The following SNX13 variants were observed in gnomAD, a reference collection of about 807,000 sequenced individuals.
SNX13 encodes sorting nexin-13.
In SNX13, 45 loss-of-function variants were observed where a neutral mutation model predicts 133.6. The observed-to-expected ratio is 0.34, with a 90% CI of 0.27 to 0.43. The LOEUF (loss-of-function observed/expected upper bound fraction) is 0.43. SNX13 is among the 20% of genes least tolerant of loss of function. The pLI is 1.00. For missense variants in SNX13, 1,032 were observed against 1,145.1 expected, an observed-to-expected ratio of 0.90 and a Z score of 1.43; for synonymous variants, 414 against 373.9, an observed-to-expected ratio of 1.11 and a Z score of -1.24.
intron 5 of SNX13, chr7:17,879,676 CTTG>C (rs1288628561): frequency 4.6e-5 from 7 of 152,226 alleles, no homozygotes; most frequent in African/African-American, 1.7e-4. Flanking sequence ...AATTGCCTCA[CTTG>C]TTCCATCTAT....
chr7:17,890,301 T>G (rs1181630454), intron 5 of SNX13, 62 bp downstream of exon 5: 6 of 1,512,596 alleles, frequency 4.0e-6, no homozygotes, highest in Non-Finnish European at 4.5e-6. Flanking sequence ...AAAGTTGTTT[T>G]CCTTACTGGT....
intron 1 of SNX13, among the ~76,000 whole-genome samples, chr7:17,902,174 T>C (rs1275479602): frequency 1.3e-5 from 2 of 151,146 alleles, no homozygotes; most frequent in African/African-American, 4.9e-5. Flanking sequence ...ATTCAACAAC[T>C]ATTCTGTGAA....
At position 17,893,419 on chromosome 7, in the gene SNX13, A is replaced by G. The variant is rs1425877080; in HGVS notation, c.141T>C (p.Thr47=). Residue 47 remains threonine, a synonymous_variant, in exon 3 of 26, where the codon ACT becomes ACC. Coordinates refer to ENST00000428135, the MANE Select transcript of SNX13 (RefSeq NM_015132.5). ...LCFVGGGLVV[T]LLFGKTNSEK... is the part of the protein sequence containing the mutation. ...CTGAGTTTGTTTTTCCAAACAGGAG[A>G]GTAACCACTAAACCCCTAGAAAGAA... The G allele has an allele frequency of 6.4e-7, 1 of 1,558,850 alleles. No individual in the cohort carries two copies. The highest frequency in any genetic ancestry group is 8.7e-7 in the Non-Finnish European group (1 of 1,149,884).
intron 1 of SNX13, among the ~76,000 whole-genome samples, chr7:17,909,975 A>G (rs1798793579): frequency 6.6e-6 from 1 of 152,178 alleles, no homozygotes; most frequent in South Asian, 2.1e-4. Flanking sequence ...GTTTTAGTAA[A>G]TATGTCACAG....
Position 17,799,020 on chromosome 7 carries a change from A to G in SNX13, c.2433T>C (p.Asp811=), listed in dbSNP as rs1441988700. 1 of 1,609,548 alleles carries G rather than the reference A, an allele frequency of 6.2e-7. No individual in the cohort carries two copies. The highest frequency in any genetic ancestry group is 8.5e-7 in the Non-Finnish European group (1 of 1,177,472). The stretch of plus-strand genomic sequence containing the variant: ...GGAAAGAGTGCTACCTATTAATAGT[A>G]TCGCCATATGTAGCTCTAATAAGCT... The part of the protein sequence containing the change: ...LQQLIRATYG[D]TINRKIVDHV... Residue 811 remains aspartate (D), a synonymous_variant, in exon 23 of 26, where the codon GAT becomes GAC. Coordinates refer to ENST00000428135, the MANE Select transcript of SNX13 (RefSeq NM_015132.5).
chr7:17,810,540 C>A (rs1175700966), intron 20 of SNX13, among the ~76,000 whole-genome samples: 2 of 152,132 alleles, frequency 1.3e-5, no homozygotes, highest in Admixed American at 1.3e-4. Context: ...ACCAGAGGTA[C>A]AATTCTACTA....
intron 9 of SNX13, 99 bp from the exon 10 acceptor site, chr7:17,851,063 C>G (rs1238059659): frequency 8.1e-7 from 1 of 1,238,202 alleles, no homozygotes. Flanking sequence ...CAATTTGCTA[C>G]ATACTCAGTG....
chr7:17,868,380 A>G, intron 9 of SNX13, 27 bp downstream of exon 9: 2 of 1,501,456 alleles, frequency 1.3e-6, no homozygotes, highest in Non-Finnish European at 1.8e-6. Flanking sequence ...TTTCTAAAAC[A>G]GAGTTGTAAT....
At chr7:17,915,170 C>T (rs1393550635) in intron 1 of SNX13, among the ~76,000 whole-genome samples, 2 of 152,174 alleles carry the variant, frequency 1.3e-5, no homozygotes, top group African/African-American at 4.8e-5. Context: ...GAAGATGTAA[C>T]TGTCCTCAAT....
In SNX13 at chr7:17,893,319, TC is replaced by T. The variant is rs1796838805; in HGVS notation, c.228+12del. ...CTGGACTTTGAGGTTTTATATTCCC[TC>T]AAACGATTTACCTTAGGAACCCCAG... is the stretch of plus-strand genomic sequence containing the variant. On this transcript the variant is annotated intron_variant, in intron 3 of 25. Coordinates refer to ENST00000428135, the MANE Select transcript of SNX13 (RefSeq NM_015132.5). 6.5e-7 allele frequency: 1 copy of T among 1,533,270 alleles called. No individual in the cohort carries two copies. Among genetic ancestry groups the T allele is most frequent in the African/African-American group, 1.4e-5 (1 of 72,916 alleles). The allele number at this position is 1,533,270 out of a possible 1,614,324, so 95.0% of individuals were successfully genotyped here.
intron 24 of SNX13, among the ~76,000 whole-genome samples, 171 bp downstream of exon 24, chr7:17,798,519 T>C (rs953081241): frequency 1.3e-5 from 2 of 152,044 alleles, no homozygotes; most frequent in Admixed American, 6.6e-5. Context: ...CAAAGATCAA[T>C]AGGTTCATAA....
At chr7:17,817,533 A>G (rs1169076420) in intron 18 of SNX13, among the ~76,000 whole-genome samples, 1 of 152,228 alleles carries the variant, frequency 6.6e-6, no homozygotes. Context: ...TAAAAGAAGG[A>G]CAAATCTGAT....
chr7:17,922,850 CAT>C (rs1404838785), intron 1 of SNX13, among the ~76,000 whole-genome samples: 1 of 152,112 alleles, frequency 6.6e-6, no homozygotes. Context: ...AATGAAAAAT[CAT>C]ATGTGCTTAC....
chr7:17,797,497 C>G (rs912063892), intron 24 of SNX13, among the ~76,000 whole-genome samples: 2 of 151,832 alleles, frequency 1.3e-5, no homozygotes, highest in Non-Finnish European at 2.9e-5. Context: ...AATTCTTGGT[C>G]TGAAGGCAGG....
At position 17,834,750 on chromosome 7, in the gene SNX13, C is replaced by T; in HGVS notation, c.1464+11G>A. 6.6e-7 allele frequency: 1 copy of T among 1,514,430 alleles called. No homozygotes were observed. The highest frequency in any genetic ancestry group is 9.1e-7 in the Non-Finnish European group (1 of 1,093,790). 93.8% of individuals were successfully genotyped at this position (1,514,430 alleles called of 1,614,324 possible). On this transcript the variant is annotated intron_variant, in intron 14 of 25. Coordinates refer to ENST00000428135, the MANE Select transcript of SNX13 (RefSeq NM_015132.5). ...AAAAGATAAAATGATAAATGCTGTACATAATAATACCTTTCTTTGAATGTC... is the reference window on the plus strand; with the variant it reads ...AAAAGATAAAATGATAAATGCTGTATATAATAATACCTTTCTTTGAATGTC...
rs916059048 is a variant in SNX13 at position 17,791,861 on chromosome 7, G to C, written c.*2184C>G. 2.6e-5 allele frequency: 4 copies of C among 151,958 alleles called. No homozygotes were observed. Among genetic ancestry groups the C allele is most frequent in the African/African-American group, 9.7e-5 (4 of 41,420 alleles). The allele number at this position is 151,958 out of a possible 1,614,324, so 9.4% of individuals were successfully genotyped here. ...TAAAAGACAGATGTGCATAGAGAAG[G>C]TGCACCACCATTTACAAAGACTATC... On this transcript the variant is annotated 3_prime_UTR_variant, in exon 26 of 26. Transcript: ENST00000428135.
chr7:17,830,977 T>TA (rs1184875025), intron 15 of SNX13: 18 of 984,154 alleles, frequency 1.8e-5, no homozygotes, highest in Non-Finnish European at 2.2e-5. Context: ...CCTCTGGTCA[T>TA]AAAAAAATGG....
At chr7:17,855,883 G>T (rs773940234) in intron 9 of SNX13, among the ~76,000 whole-genome samples, 1 of 152,194 alleles carries the variant, frequency 6.6e-6, no homozygotes, top group Non-Finnish European at 1.5e-5. Context: ...ATTTGCTCTA[G>T]ATAGTGATTC....
chr7:17,823,108 T>C (rs183429573), intron 17 of SNX13, among the ~76,000 whole-genome samples: 235 of 152,276 alleles, frequency 1.5e-3, no homozygotes, highest in African/African-American at 5.2e-3. Context: ...GGCAGGAAAA[T>C]GCTATCAAAA....
Sources: allele counts gnomAD v4.1 joint callset (sites outside exome capture counted in the v4.1 genomes callset), GRCh38; gene constraint gnomAD v4.1.1; transcripts MANE v1.5; gene names NCBI Gene and HGNC (gene_info 2026-07-23, HGNC 2026-07-21).